Variants in GPC1 observed in about 807,000 individuals in gnomAD.
GPC1 encodes the protein glypican-1.
In GPC1, 26 loss-of-function variants were observed where a neutral mutation model predicts 51.5. The ratio of observed to expected loss-of-function variants is 0.50; its 90% CI spans 0.37 to 0.70. The LOEUF is 0.70. GPC1 is among the 30% of genes least tolerant of loss of function. The probability of loss-of-function intolerance (pLI) is 0.00; values close to 1 mark genes in which losing one functional copy is unlikely to be tolerated. For missense variants in GPC1, 775 were observed against 800.5 expected (o/e 0.97, Z 0.38); for synonymous variants, 380 against 348.3 (o/e 1.09, Z -1.01).
rs1402597617 is a variant in GPC1, at chr2:240,462,442, G to A, written c.577G>A (p.Gly193Ser). The A allele has an allele frequency of 3.7e-6, 6 of 1,606,290 alleles. No homozygotes were observed. Among genetic ancestry groups the A allele is most frequent in the Non-Finnish European group, 5.1e-6 (6 of 1,177,180 alleles). Residue 193 changes from glycine (G) to serine (S), a missense_variant, in exon 3 of 9, where the codon GGC becomes AGC. By Grantham distance (56) the Gly-to-Ser change is moderately conservative (BLOSUM62 0). Transcript: ENST00000264039. ...LLPDDYLDCL[G>S]KQAEALRPFG... is the part of the protein sequence containing the mutation. ...GCCTGATGACTACCTGGACTGCCTG[G>A]GCAAGCAGGCCGAGGCGCTGCGGCC...
intron 1 of GPC1, among the ~76,000 whole-genome samples, chr2:240,453,809 G>A (rs898422085): frequency 8.6e-5 from 13 of 151,908 alleles, no homozygotes; most frequent in African/African-American, 3.1e-4. Flanking sequence ...CGGGGCGCCC[G>A]GGACCCCCAG....
At chr2:240,457,925 A>C (rs1574773546) in intron 1 of GPC1, 17 of 380,454 alleles carry the variant, frequency 4.5e-5, no homozygotes, top group South Asian at 5.6e-5. Flanking sequence ...CCTTGACCCC[A>C]CCCCTCTGAC....
intron 1 of GPC1, among the ~76,000 whole-genome samples, chr2:240,438,121 G>T (rs2073995436): frequency 6.6e-6 from 1 of 152,206 alleles, no homozygotes; most frequent in Admixed American, 6.5e-5. Context: ...TCTAACCACG[G>T]TGCCAGCCAT....
chr2:240,457,873 G>A, intron 1 of GPC1: 1 of 356,282 alleles, frequency 2.8e-6, no homozygotes, highest in Non-Finnish European at 5.8e-6. Flanking sequence ...TGAGGCGGCA[G>A]TCCTGAGGAA....
In GPC1 at chr2:240,466,566, C is replaced by T. The variant is rs1032423322; in HGVS notation, c.*276C>T. On this transcript the variant is annotated 3_prime_UTR_variant, in exon 9 of 9. Transcript: ENST00000264039. Reference sequence around the variant, plus strand: ...CTCAGGGGCACCTCCGGCTGCCTAGCCCTCCCCCCAGCTCCCTGCACCGCC... The same window carrying T: ...CTCAGGGGCACCTCCGGCTGCCTAGTCCTCCCCCCAGCTCCCTGCACCGCC... The T allele has an allele frequency of 1.7e-5, 8 of 479,080 alleles. No individual in the cohort carries two copies. The highest frequency in any genetic ancestry group is 1.4e-4 in the African/African-American group (7 of 51,220). The allele number at this position is 479,080 out of a possible 1,614,324, so 29.7% of individuals were successfully genotyped here.
At chr2:240,465,236 C>A in intron 7 of GPC1, 26 bp downstream of exon 7, 1 of 1,583,710 alleles carries the variant, frequency 6.3e-7, no homozygotes, top group Non-Finnish European at 8.6e-7. Context: ...GCTGGCACAG[C>A]CCTCCCTCCC....
Position 240,462,223 on chromosome 2 carries a change from C to T in GPC1, c.358C>T (p.Arg120Trp), listed in dbSNP as rs752501624. Reference protein sequence around the residue: ...HFQHLLNDSERTLQATFPGAF... With the variant: ...HFQHLLNDSEWTLQATFPGAF... ...CCAGCACCTGCTGAACGACTCGGAG[C>T]GGACGCTGCAGGCCACCTTCCCCGG... Residue 120 changes from arginine (R) to tryptophan (W), a missense_variant, in exon 3 of 9, where the codon CGG becomes TGG. By Grantham distance (101) the Arg-to-Trp change is moderately radical (BLOSUM62 -3). Transcript: ENST00000264039. The T allele has an allele frequency of 5.6e-6, 9 of 1,607,640 alleles. No homozygotes were observed. The highest frequency in any genetic ancestry group is 3.4e-4 in the Middle Eastern group (2 of 5,888).
chr2:240,441,195 G>A (rs145127801), intron 1 of GPC1, among the ~76,000 whole-genome samples: 8 of 152,382 alleles, frequency 5.2e-5, no homozygotes, highest in Middle Eastern at 3.4e-3. Flanking sequence ...TGGCCGAACC[G>A]CAGGGCTGCA....
intron 1 of GPC1, among the ~76,000 whole-genome samples, chr2:240,446,322 T>C (rs2074050434): frequency 6.6e-6 from 1 of 152,258 alleles, no homozygotes; most frequent in Admixed American, 6.5e-5. Flanking sequence ...TACTGGGTGC[T>C]GTTCTGGGTG....
intron 1 of GPC1, among the ~76,000 whole-genome samples, chr2:240,446,303 G>C (rs62187174): frequency 1.3e-5 from 2 of 152,264 alleles, no homozygotes; most frequent in Non-Finnish European, 2.9e-5. Flanking sequence ...TGGAGGCTCC[G>C]TGAGCTCCTA....
chr2:240,457,675 C>T (rs1189799867), intron 1 of GPC1, among the ~76,000 whole-genome samples: 1 of 152,164 alleles, frequency 6.6e-6, no homozygotes, highest in East Asian at 1.9e-4. Context: ...CCCAGGACAG[C>T]CTCGAGCCAG....
chr2:240,441,754 G>C (rs779426347), intron 1 of GPC1, among the ~76,000 whole-genome samples: 1 of 152,232 alleles, frequency 6.6e-6, no homozygotes. Flanking sequence ...TCCTGACGGG[G>C]TGGGGGGTGC....
intron 1 of GPC1, chr2:240,442,340 G>A (rs2151786057): frequency 6.6e-6 from 1 of 152,444 alleles, no homozygotes; most frequent in Admixed American, 6.5e-5. Context: ...TGTTTCCAGG[G>A]CTGTCGGAAC....
In GPC1 at chr2:240,459,131, C is replaced by G. The variant is rs541416018; in HGVS notation, c.268C>G (p.Arg90Gly). The change falls in exon 2 of 9, where the codon CGG becomes GGG. Residue 90 changes from arginine to glycine, a missense_variant. By Grantham distance (125) the Arg-to-Gly change is moderately radical (BLOSUM62 -2). Coordinates refer to ENST00000264039, the MANE Select transcript of GPC1 (RefSeq NM_002081.3). ...RSHAELETALRDSSRVLQAML... is the reference protein window; with the variant it reads ...RSHAELETALGDSSRVLQAML... ...CCATGCCGAGCTGGAGACCGCGCTC[C>G]GGGACAGCAGCCGCGTCCTGCAGGC... The G allele has an allele frequency of 6.2e-7, 1 of 1,612,648 alleles. No individual in the cohort carries two copies. Among genetic ancestry groups the G allele is most frequent in the Non-Finnish European group, 8.5e-7 (1 of 1,179,880 alleles).
chr2:240,436,065 GC>G lies in GPC1; in HGVS notation c.151del (p.Gln51ArgfsTer65). On this transcript the variant is annotated frameshift_variant, in exon 1 of 9. Transcript: ENST00000264039. LOFTEE classifies it high-confidence loss of function. ...GAKGFSLSDV[P>X]QAEISGEHLR... ...CCAAGGGCTTCAGCCTGAGCGACGT[GC>G]CCCAGGCGGAGATCTCGGGTGAGTG... is the stretch of plus-strand genomic sequence containing the variant. 7.6e-7 allele frequency: 1 copy of G among 1,317,756 alleles called. No individual in the cohort carries two copies. Among genetic ancestry groups the G allele is most frequent in the Non-Finnish European group, 9.7e-7 (1 of 1,031,774 alleles). The allele number at this position is 1,317,756 out of a possible 1,614,324, so 81.6% of individuals were successfully genotyped here. A position where few individuals can be genotyped will look rare whatever the true frequency, so the allele number is the denominator to read the frequency against.
intron 1 of GPC1, among the ~76,000 whole-genome samples, chr2:240,440,400 C>T (rs1463641921): frequency 6.6e-6 from 1 of 152,226 alleles, no homozygotes; most frequent in African/African-American, 2.4e-5. Flanking sequence ...GCATTGACCA[C>T]TGCCCAGTAA....
Position 240,448,778 on chromosome 2 carries a change from A to G in GPC1, c.167-10252A>G, listed in dbSNP as rs2074071345. Among the ~76,000 whole-genome samples, 1 of 151,982 alleles carries G rather than the reference A, an allele frequency of 6.6e-6. No homozygotes were observed. ...TCCCTCCCCGGACGTGGCCTTGCAG[A>G]CACCAGCCCAGCTGCCTGAGGCCCA... is the stretch of plus-strand genomic sequence containing the variant. On this transcript the variant is annotated intron_variant, in intron 1 of 8. Transcript: ENST00000264039. The surrounding 1 kb of genome is among the most constrained non-coding windows in gnomAD (Gnocchi z 4.5).
intron 4 of GPC1, chr2:240,463,949 A>G (rs2074238424): frequency 4.4e-6 from 1 of 227,102 alleles, no homozygotes. Flanking sequence ...TCCTGGGCGC[A>G]TGTGATGACA....
intron 1 of GPC1, chr2:240,452,923 C>T (rs2151790875): frequency 3.3e-6 from 1 of 301,166 alleles, no homozygotes; most frequent in Non-Finnish European, 6.7e-6. Flanking sequence ...TCCTGCGAGC[C>T]CTTCCGCCCG....
Sources: allele counts gnomAD v4.1 joint callset (sites outside exome capture counted in the v4.1 genomes callset), GRCh38; gene constraint gnomAD v4.1.1; non-coding constraint Gnocchi (gnomAD v3.1); transcripts MANE v1.5; gene names NCBI Gene and HGNC (gene_info 2026-07-23, HGNC 2026-07-21).